Variants in MEGF10 observed in about 807,000 individuals in gnomAD.
The protein encoded by MEGF10 is multiple EGF like domains 10, also known as multiple epidermal growth factor-like domains protein 10.
In MEGF10, 86 loss-of-function variants were observed where a neutral mutation model predicts 147.5. The ratio of observed to expected loss-of-function variants is 0.58; its 90% CI spans 0.49 to 0.70. The LOEUF (loss-of-function observed/expected upper bound fraction) is 0.70, where lower values mean the gene tolerates loss of function less well. Among genes scored for constraint, MEGF10 ranks in the 30% least tolerant of loss-of-function variants. The pLI is 0.00. For missense variants in MEGF10, 1,329 were observed against 1,487.3 expected (o/e 0.89, Z 1.75); for synonymous variants, 478 against 525.5 (o/e 0.91, Z 1.24).
chr5:127,293,409 A>C (rs775366158), intron 1 of MEGF10, among the ~76,000 whole-genome samples: 2 of 152,232 alleles, frequency 1.3e-5, no homozygotes, highest in Non-Finnish European at 2.9e-5. Context: ...AGAGTGAACT[A>C]TGAGAAATTG....
chr5:127,342,919 C>A (rs1761737417), intron 4 of MEGF10, among the ~76,000 whole-genome samples: 1 of 152,170 alleles, frequency 6.6e-6, no homozygotes, highest in South Asian at 2.1e-4. Context: ...TCTCTGGTCT[C>A]TAAAATATTT....
the MEGF10 span, among the ~76,000 whole-genome samples, chr5:127,232,686 C>T: frequency 3.9e-5 from 6 of 152,046 alleles, no homozygotes; most frequent in Admixed American, 6.6e-5. Flanking sequence ...GAAATTATGG[C>T]TTTTCAGAGG....
rs147169420 is a variant in MEGF10, at chr5:127,451,736, G to A, written c.2980+2514G>A. ...AAGGGACTGAGTGTTAGGAACCTAG[G>A]ATCTTCATTGGAAATTCTGGATCTT... is the stretch of plus-strand genomic sequence containing the variant. On this transcript the variant is annotated intron_variant, in intron 22 of 24. Coordinates refer to ENST00000503335, the MANE Select transcript of MEGF10 (RefSeq NM_001256545.2). Among the ~76,000 whole-genome samples the A allele has an allele frequency of 2.4e-3, 360 of 152,304 alleles. 2 individuals are homozygous for A. Among genetic ancestry groups the A allele is most frequent in the Non-Finnish European group, 4.0e-3 (273 of 68,022 alleles).
intron 1 of MEGF10, among the ~76,000 whole-genome samples, chr5:127,320,749 T>G (rs370505311): frequency 6.6e-6 from 1 of 152,338 alleles, no homozygotes; most frequent in East Asian, 1.9e-4. Context: ...CCTTTGACAA[T>G]GTGGGCTTAA....
chr5:127,360,835 CAT>C (rs1020605698), intron 4 of MEGF10, among the ~76,000 whole-genome samples: 2 of 150,836 alleles, frequency 1.3e-5, no homozygotes, highest in East Asian at 3.9e-4. Flanking sequence ...TATGAAGGAA[CAT>C]ATATATGTGT....
intron 8 of MEGF10, among the ~76,000 whole-genome samples, chr5:127,405,478 C>G (rs1278019488): frequency 1.3e-5 from 2 of 152,074 alleles, no homozygotes; most frequent in African/African-American, 4.8e-5. Flanking sequence ...ATTCATACTA[C>G]CAAACTTTCA....
intron 4 of MEGF10, among the ~76,000 whole-genome samples, chr5:127,343,174 T>C (rs552319886): frequency 6.6e-6 from 1 of 152,324 alleles, no homozygotes; most frequent in Non-Finnish European, 1.5e-5. Flanking sequence ...CATGGTCACC[T>C]TTCTTAACTG....
intron 7 of MEGF10, among the ~76,000 whole-genome samples, chr5:127,399,579 C>T (rs1197545795): frequency 6.6e-6 from 1 of 152,160 alleles, no homozygotes; most frequent in Non-Finnish European, 1.5e-5. Context: ...CTTCTATTTC[C>T]ATGAGCAGTG....
At chr5:127,337,364 A>G (rs932955328) in intron 2 of MEGF10, among the ~76,000 whole-genome samples, 2 of 152,124 alleles carry the variant, frequency 1.3e-5, no homozygotes, top group African/African-American at 4.8e-5. Context: ...TGCCTGCTGC[A>G]TGACTCAGGC....
the MEGF10 span, among the ~76,000 whole-genome samples, chr5:127,273,765 G>A: frequency 1.3e-5 from 2 of 152,074 alleles, no homozygotes; most frequent in Admixed American, 1.3e-4. Context: ...CATGCTTTTC[G>A]TAAACTATAT....
At chr5:127,302,111 G>C (rs1759798155) in intron 1 of MEGF10, among the ~76,000 whole-genome samples, 1 of 152,084 alleles carries the variant, frequency 6.6e-6, no homozygotes, top group African/African-American at 2.4e-5. Flanking sequence ...TCCTTAGTAA[G>C]ATGTCAACAG....
chr5:127,381,914 A>G (rs2126886545), intron 5 of MEGF10, among the ~76,000 whole-genome samples: 1 of 152,070 alleles, frequency 6.6e-6, no homozygotes. Flanking sequence ...CAAATGATCC[A>G]CCCACCTTGG....
intron 9 of MEGF10, among the ~76,000 whole-genome samples, chr5:127,411,605 A>T (rs1764567153): frequency 6.6e-6 from 1 of 152,172 alleles, no homozygotes; most frequent in Non-Finnish European, 1.5e-5. Context: ...TTTTAGTGGG[A>T]CATATGAAAG....
At chr5:127,398,630 G>C (rs766434891) in intron 6 of MEGF10, 46 bp from the exon 7 acceptor site, 1 of 1,612,028 alleles carries the variant, frequency 6.2e-7, no homozygotes, top group Non-Finnish European at 8.5e-7. Context: ...CGAGGGTCAT[G>C]TGTCTGGGAA....
chr5:127,307,593 C>G (rs918555197), intron 1 of MEGF10, among the ~76,000 whole-genome samples: 3 of 152,198 alleles, frequency 2.0e-5, no homozygotes, highest in African/African-American at 7.2e-5. Context: ...GCCTAAAGAG[C>G]TCTACTGACA....
chr5:127,453,782 TGTC>T (rs1240303229), intron 22 of MEGF10, among the ~76,000 whole-genome samples: 3 of 152,238 alleles, frequency 2.0e-5, no homozygotes, highest in African/African-American at 4.8e-5. Context: ...GGCTAGGTAA[TGTC>T]GTCTTATTTT....
intron 8 of MEGF10, among the ~76,000 whole-genome samples, chr5:127,403,729 A>G (rs1312382287): frequency 6.6e-6 from 1 of 152,192 alleles, no homozygotes; most frequent in East Asian, 1.9e-4. Flanking sequence ...TTCATTTAAC[A>G]TAATGATCTC....
At chr5:127,294,863 G>A (rs916500857) in intron 1 of MEGF10, among the ~76,000 whole-genome samples, 12 of 150,610 alleles carry the variant, frequency 8.0e-5, no homozygotes, top group Non-Finnish European at 1.5e-4. Flanking sequence ...AAAAGGACAA[G>A]ACAGAATATC....
At chr5:127,246,399 A>G in the MEGF10 span, among the ~76,000 whole-genome samples, 1 of 152,160 alleles carries the variant, frequency 6.6e-6, no homozygotes, top group African/African-American at 2.4e-5. Context: ...GTGGGAGTTG[A>G]ACAATGAGAA....
Sources: gnomAD v4.1 joint callset for allele counts (sites outside exome capture counted in the v4.1 genomes callset) on GRCh38, gnomAD v4.1.1 for gene constraint, MANE v1.5 for transcripts, NCBI Gene and HGNC (gene_info 2026-07-23, HGNC 2026-07-21) for gene names.